LRP1B: variants seen among roughly 807,000 people sequenced by gnomAD.
The protein encoded by LRP1B is low-density lipoprotein receptor-related protein 1B.
LRP1B carries 217 observed loss-of-function variants against 556.6 expected under a neutral mutation model. The ratio of observed to expected loss-of-function variants is 0.39; its 90% CI spans 0.35 to 0.44. LRP1B has a LOEUF of 0.44. LRP1B is among the 20% of genes least tolerant of loss of function. The probability of loss-of-function intolerance (pLI) is 1.00; values close to 1 mark genes in which losing one functional copy is unlikely to be tolerated. For missense variants in LRP1B, 5,053 were observed against 5,620.8 expected (o/e 0.90, Z 3.23); for synonymous variants, 2,047 against 1,865.8 (o/e 1.10, Z -2.50).
chr2:141,422,683 C>G (rs928477913), intron 3 of LRP1B, among the ~76,000 whole-genome samples: 1 of 152,122 alleles, frequency 6.6e-6, no homozygotes, highest in Non-Finnish European at 1.5e-5. Context: ...TCAAACATGA[C>G]ATTTATGGCT....
chr2:141,002,205 T>C (rs1697444837), intron 15 of LRP1B, among the ~76,000 whole-genome samples: 1 of 149,692 alleles, frequency 6.7e-6, no homozygotes. Context: ...TTACTGGCAA[T>C]TTACAAATTT....
chr2:141,724,915 A>G (rs991460004), intron 2 of LRP1B, among the ~76,000 whole-genome samples: 7 of 152,026 alleles, frequency 4.6e-5, no homozygotes, highest in African/African-American at 1.7e-4. Flanking sequence ...AAAACTTACT[A>G]AGTAATTTTA....
rs563130673 is a variant in LRP1B at position 140,280,804 on chromosome 2, T to C, written c.12968-6206A>G. On this transcript the variant is annotated intron_variant, in intron 84 of 90. Transcript: ENST00000389484. ...GGCATAACAGACGAGATAGTCTATA[T>C]ATGGTAAGAAGGAATAATAATGAAA... Among the ~76,000 whole-genome samples, 54 of 151,920 alleles carry C rather than the reference T, an allele frequency of 3.6e-4. 1 individual carries two copies. The highest frequency in any genetic ancestry group is 1.3e-3 in the African/African-American group (52 of 41,526).
intron 16 of LRP1B, chr2:140,992,772 C>T (rs944981394): frequency 2.6e-5 from 4 of 151,952 alleles, no homozygotes; most frequent in African/African-American, 4.8e-5. Flanking sequence ...TACCCTCAGA[C>T]GAAAGGTTCC....
chr2:140,532,072 A>C (rs973868056), intron 47 of LRP1B, among the ~76,000 whole-genome samples: 2 of 152,032 alleles, frequency 1.3e-5, no homozygotes, highest in African/African-American at 4.8e-5. Context: ...CTGAGTTCCA[A>C]ATCTCTACCT....
intron 13 of LRP1B, 105 bp from the exon 14 acceptor site, chr2:141,013,850 A>G (rs1235853341): frequency 8.5e-6 from 5 of 586,934 alleles, no homozygotes; most frequent in African/African-American, 3.9e-5. Flanking sequence ...TAATAATCTC[A>G]TATCTTAACT....
chr2:141,956,763 A>C (rs2105045610), intron 1 of LRP1B, among the ~76,000 whole-genome samples: 1 of 152,242 alleles, frequency 6.6e-6, no homozygotes, highest in African/African-American at 2.4e-5. Flanking sequence ...TGCACATAGA[A>C]GGGATAAAAC....
intron 1 of LRP1B, among the ~76,000 whole-genome samples, chr2:141,977,290 C>A (rs190505148): frequency 8.6e-4 from 131 of 152,066 alleles, no homozygotes; most frequent in African/African-American, 2.9e-3. Flanking sequence ...ACTGAAAGGC[C>A]ACTGGGCACG....
intron 1 of LRP1B, among the ~76,000 whole-genome samples, chr2:141,812,926 T>C (rs961893022): frequency 1.3e-5 from 2 of 151,924 alleles, no homozygotes; most frequent in Non-Finnish European, 2.9e-5. Context: ...AAACTTATGA[T>C]ATATAGATAG....
chr2:141,098,667 T>C (rs556155802), intron 7 of LRP1B, among the ~76,000 whole-genome samples: 6 of 151,740 alleles, frequency 4.0e-5, no homozygotes, highest in South Asian at 2.1e-4. Flanking sequence ...GATTGACTGA[T>C]TGATTTGGAG....
chr2:140,723,381 T>C (rs1477819077), intron 35 of LRP1B, among the ~76,000 whole-genome samples: 4 of 152,134 alleles, frequency 2.6e-5, no homozygotes, highest in African/African-American at 9.7e-5. Flanking sequence ...ATTCAAATAG[T>C]AGCAAGTGCA....
At position 140,776,237 on chromosome 2, in the gene LRP1B, A is replaced by G; in HGVS notation, c.5361T>C (p.Asp1787=). The change falls in exon 33 of 91, where the codon GAT becomes GAC. Residue 1787 remains aspartate, a splice_region_variant and synonymous_variant. Coordinates refer to ENST00000389484, the MANE Select transcript of LRP1B (RefSeq NM_018557.3). ...LTKATALTIM[D]KKLWWADQNL... Reference sequence around the variant, plus strand: ...TTTGGTCTGCCCACCACAGTTTCTTATCTAGAAAAAGGAAAGATATTTTTT... The same window carrying G: ...TTTGGTCTGCCCACCACAGTTTCTTGTCTAGAAAAAGGAAAGATATTTTTT... 6.3e-7 allele frequency: 1 copy of G among 1,575,052 alleles called. No homozygotes were observed.
chr2:140,586,015 T>C (rs1271804134), intron 43 of LRP1B, among the ~76,000 whole-genome samples: 1 of 152,164 alleles, frequency 6.6e-6, no homozygotes, highest in South Asian at 2.1e-4. Flanking sequence ...TTTAAAAGTG[T>C]CTTTAAAAAA....
intron 3 of LRP1B, among the ~76,000 whole-genome samples, chr2:141,370,314 A>T (rs1689184650): frequency 1.3e-5 from 2 of 152,032 alleles, no homozygotes; most frequent in East Asian, 3.9e-4. Flanking sequence ...ACATCTGTTA[A>T]TTTTTTGTCT....
At chr2:140,662,632 T>C (rs1165672297) in intron 41 of LRP1B, among the ~76,000 whole-genome samples, 1 of 152,162 alleles carries the variant, frequency 6.6e-6, no homozygotes, top group Non-Finnish European at 1.5e-5. Context: ...TTCATTGGAA[T>C]GGATATAATT....
chr2:142,074,605 G>A (rs1705434293), intron 1 of LRP1B, among the ~76,000 whole-genome samples: 1 of 151,900 alleles, frequency 6.6e-6, no homozygotes, highest in Non-Finnish European at 1.5e-5. Context: ...TTTCCAGCTG[G>A]AAAACCACCC....
chr2:140,764,783 T>C (rs1689043967), intron 35 of LRP1B, among the ~76,000 whole-genome samples: 1 of 152,122 alleles, frequency 6.6e-6, no homozygotes, highest in African/African-American at 2.4e-5. Flanking sequence ...AGCCAACACA[T>C]CCATAGTTTA....
chr2:140,495,601 G>T lies in LRP1B; in HGVS notation c.8998C>A (p.Gln3000Lys). Residue 3000 changes from glutamine (Q) to lysine (K), a missense_variant, in exon 56 of 91, where the codon CAA becomes AAA. By Grantham distance (53) the Gln-to-Lys change is moderately conservative (BLOSUM62 1). Coordinates refer to ENST00000389484, the MANE Select transcript of LRP1B (RefSeq NM_018557.3). ...TTGCAGCCATTTGGGTTATCAGGTT[G>T]TATTTCATACCCATCTGTACAGAGG... The part of the protein sequence containing the change: ...KCLCTDGYEI[Q>K]PDNPNGCKSL... 1 of 1,602,182 alleles carries T rather than the reference G, an allele frequency of 6.2e-7. No individual in the cohort carries two copies. Among genetic ancestry groups the T allele is most frequent in the South Asian group, 1.1e-5 (1 of 90,094 alleles).
intron 25 of LRP1B, among the ~76,000 whole-genome samples, chr2:140,872,212 A>G (rs568492685): frequency 2.6e-4 from 39 of 151,580 alleles, no homozygotes; most frequent in Middle Eastern, 3.4e-3. Flanking sequence ...ATAGTTTATA[A>G]TAGTCTGGAG....
Sources: gnomAD v4.1 joint callset for allele counts (sites outside exome capture counted in the v4.1 genomes callset) on GRCh38, gnomAD v4.1.1 for gene constraint, MANE v1.5 for transcripts, NCBI Gene and HGNC (gene_info 2026-07-23, HGNC 2026-07-21) for gene names.